The following DHRSX variants were observed in gnomAD, a reference collection of about 807,000 sequenced individuals.
The protein encoded by DHRSX is dehydrogenase/reductase X-linked, also known as polyprenol dehydrogenase.
Under a neutral mutation model 34.0 loss-of-function variants are expected in DHRSX, and 31 were observed. The observed-to-expected ratio is 0.91, with a 90% CI of 0.69 to 1.23. DHRSX has a LOEUF of 1.23. Ranked by LOEUF, DHRSX falls within the 50% of genes most tolerant of loss-of-function variation. The pLI is 0.00. For synonymous variants in DHRSX, 201 were observed against 183.8 expected, an observed-to-expected ratio of 1.09 and a Z score of -0.76; for missense variants, 414 against 428.1, an observed-to-expected ratio of 0.97 and a Z score of 0.29.
chrX:2,487,334 C>T (rs956652506), intron 1 of DHRSX: 1 of 152,072 alleles, frequency 6.6e-6, no homozygotes, highest in Admixed American at 6.5e-5. Flanking sequence ...GCTGAGACAC[C>T]GAAGACATAA....
At chrX:2,316,387 A>G (rs78517538) in intron 3 of DHRSX, among the ~76,000 whole-genome samples, 22,701 of 152,092 alleles carry the variant, frequency 0.15, 2,116 homozygotes, top group Admixed American at 0.22. Context: ...CCCTGTCTCT[A>G]CGAAAAATAC....
chrX:2,257,013 G>A (rs1048062042), intron 5 of DHRSX, among the ~76,000 whole-genome samples: 4 of 151,986 alleles, frequency 2.6e-5, no homozygotes, highest in Non-Finnish European at 4.4e-5. Flanking sequence ...GCAGTGGTGC[G>A]ATCTTGGCTC....
intron 4 of DHRSX, among the ~76,000 whole-genome samples, chrX:2,273,011 G>A (rs1440667054): frequency 2.6e-5 from 4 of 152,084 alleles, no homozygotes; most frequent in East Asian, 3.9e-4. Flanking sequence ...GGTGGCTCAC[G>A]CCTGTCATCC....
intron 1 of DHRSX, among the ~76,000 whole-genome samples, chrX:2,464,537 G>A (rs751470872): frequency 7.0e-6 from 1 of 143,802 alleles, no homozygotes; most frequent in South Asian, 2.3e-4. Flanking sequence ...CCCTAAGAAT[G>A]TGGGTAAGGG....
intron 3 of DHRSX, among the ~76,000 whole-genome samples, chrX:2,390,283 T>G (rs961792045): frequency 6.6e-6 from 1 of 151,572 alleles, no homozygotes. Context: ...GCTGGGATTA[T>G]AGGCGCCCAC....
intron 3 of DHRSX, among the ~76,000 whole-genome samples, chrX:2,387,241 G>A (rs951108079): frequency 4.3e-4 from 65 of 152,148 alleles, no homozygotes; most frequent in Non-Finnish European, 7.8e-4. Flanking sequence ...TTAAAAAAGC[G>A]GCTCTTTCTG....
intron 3 of DHRSX, among the ~76,000 whole-genome samples, chrX:2,388,088 G>A (rs777106108): frequency 6.6e-6 from 1 of 152,056 alleles, no homozygotes; most frequent in Admixed American, 6.6e-5. Context: ...GGACAATGAG[G>A]GCAGAGAAAA....
At chrX:2,346,716 G>C (rs1167168885) in intron 3 of DHRSX, among the ~76,000 whole-genome samples, 4 of 151,606 alleles carry the variant, frequency 2.6e-5, no homozygotes, top group Non-Finnish European at 4.4e-5. Flanking sequence ...AGGTTACATA[G>C]GTATCCATGT....
At chrX:2,459,764 C>T (rs1353608185) in intron 1 of DHRSX, among the ~76,000 whole-genome samples, 2 of 151,910 alleles carry the variant, frequency 1.3e-5, no homozygotes, top group Non-Finnish European at 2.9e-5. Context: ...GACTATGTTC[C>T]AAGGGGCTCC....
At chrX:2,365,338 C>T (rs9785579) in intron 3 of DHRSX, among the ~76,000 whole-genome samples, 1,558 of 152,268 alleles carry the variant, frequency 0.01, 27 homozygotes, top group African/African-American at 0.036. Context: ...CAGGGTTTCA[C>T]CATGTTGGCC....
intron 1 of DHRSX, chrX:2,488,494 TCTTTC>T: frequency 8.6e-7 from 1 of 1,166,942 alleles, no homozygotes; most frequent in East Asian, 2.7e-5. Flanking sequence ...TTCTCAAATC[TCTTTC>T]CTTTTTCCAC....
intron 3 of DHRSX, among the ~76,000 whole-genome samples, chrX:2,314,274 A>G (rs1463003381): frequency 2.8e-5 from 1 of 35,386 alleles, no homozygotes; most frequent in Non-Finnish European, 5.2e-5. Flanking sequence ...GAAGGAGGGA[A>G]TGAGGGAGGG....
At chrX:2,296,237 C>G (rs933695906) in intron 3 of DHRSX, among the ~76,000 whole-genome samples, 10 of 152,132 alleles carry the variant, frequency 6.6e-5, no homozygotes, top group Non-Finnish European at 1.3e-4. Context: ...GCTCTCTGGG[C>G]ACACCCAGAA....
intron 5 of DHRSX, among the ~76,000 whole-genome samples, chrX:2,263,156 C>T (rs1218967688): frequency 1.3e-5 from 2 of 152,208 alleles, no homozygotes; most frequent in East Asian, 3.9e-4. Flanking sequence ...CTTAGGGCTG[C>T]AGAGAAATTC....
chrX:2,330,119 AG>A, intron 3 of DHRSX, among the ~76,000 whole-genome samples: 1 of 99,870 alleles, frequency 1.0e-5, no homozygotes, highest in Non-Finnish European at 1.9e-5. Flanking sequence ...AGAGAGAGAG[AG>A]AGACAGAGAG....
intron 1 of DHRSX, among the ~76,000 whole-genome samples, chrX:2,455,469 C>T (rs2044282758): frequency 6.6e-6 from 1 of 151,766 alleles, no homozygotes; most frequent in East Asian, 1.9e-4. Context: ...ACAAGTAGGC[C>T]GGGAGCAGTG....
At chrX:2,225,492 G>A (rs1309039962) in intron 6 of DHRSX, among the ~76,000 whole-genome samples, 3 of 152,160 alleles carry the variant, frequency 2.0e-5, no homozygotes, top group African/African-American at 4.8e-5. Flanking sequence ...TCATACACAT[G>A]CACAGATTAT....
intron 3 of DHRSX, 110 bp downstream of exon 3, chrX:2,408,635 C>T (rs1449783176): frequency 2.6e-5 from 25 of 947,106 alleles, no homozygotes; most frequent in Non-Finnish European, 4.0e-5. Flanking sequence ...AGAGCCATCT[C>T]TCCCAAATGC....
rs375551398 is a variant in DHRSX at position 2,291,109 on chromosome X, CA to C, written c.388+392del. Among the ~76,000 whole-genome samples the C allele has an allele frequency of 6.4e-4, 97 of 152,186 alleles. 1 individual carries two copies. Among genetic ancestry groups the C allele is most frequent in the African/African-American group, 2.1e-3 (89 of 41,508 alleles). ...CACCTATCTGGGTGAGAATGTTGAA[CA>C]GGGGGTAAAATCAAGAGATAAATGG... is the stretch of plus-strand genomic sequence containing the variant. On this transcript the variant is annotated intron_variant, in intron 4 of 6. Coordinates refer to ENST00000334651, the MANE Select transcript of DHRSX (RefSeq NM_145177.3).
Sources: gnomAD v4.1 joint callset for allele counts (sites outside exome capture counted in the v4.1 genomes callset) on GRCh38, gnomAD v4.1.1 for gene constraint, MANE v1.5 for transcripts, NCBI Gene and HGNC (gene_info 2026-07-23, HGNC 2026-07-21) for gene names.